CCDC195: variants seen among roughly 807,000 people sequenced by gnomAD.
CCDC195 encodes coiled-coil domain-containing protein 195.
intron 1 of CCDC195, among the ~76,000 whole-genome samples, chr2:224,713,517 A>C (rs1689346506): frequency 6.6e-6 from 1 of 152,094 alleles, no homozygotes; most frequent in South Asian, 2.1e-4. Flanking sequence ...ATTTAGCCCA[A>C]TCCACTTATT....
intron 1 of CCDC195, among the ~76,000 whole-genome samples, chr2:224,710,890 G>A (rs1355659031): frequency 1.3e-5 from 2 of 152,152 alleles, no homozygotes; most frequent in Non-Finnish European, 2.9e-5. Context: ...GAAGGTGTTC[G>A]GAGGCTATTT....
Position 224,709,940 on chromosome 2 carries a change from C to G in CCDC195, c.482+33G>C, listed in dbSNP as rs76580556. 2,258 of 398,546 alleles carry G rather than the reference C, an allele frequency of 5.7e-3. 57 individuals are homozygous for G. The highest frequency in any genetic ancestry group is 0.041 in the African/African-American group (2,007 of 48,736). The allele number at this position is 398,546 out of a possible 1,614,324, so 24.7% of individuals were successfully genotyped here. ...TCTCAGTAACCATCTCAGTATGGGC[C>G]TATTCACCAGCTTGAAGTGTATTTT... On this transcript the variant is annotated intron_variant, in intron 2 of 2. Coordinates refer to ENST00000638102, the Ensembl canonical transcript of CCDC195.
At chr2:224,713,390 G>C (rs1689344156) in intron 1 of CCDC195, among the ~76,000 whole-genome samples, 1 of 152,060 alleles carries the variant, frequency 6.6e-6, no homozygotes, top group Non-Finnish European at 1.5e-5. Flanking sequence ...AGCCCTGTGA[G>C]GTAGATTCCA....
chr2:224,704,937 T>A (rs1030194295), intron 2 of CCDC195, among the ~76,000 whole-genome samples: 3 of 152,092 alleles, frequency 2.0e-5, no homozygotes, highest in Admixed American at 6.5e-5. Flanking sequence ...AGCTGCACCC[T>A]CTTTTGGGAG....
chr2:224,705,739 T>G (rs921119302), intron 2 of CCDC195, among the ~76,000 whole-genome samples: 1 of 152,210 alleles, frequency 6.6e-6, no homozygotes, highest in Non-Finnish European at 1.5e-5. Context: ...ATAGTTCTAG[T>G]GGATTTCATG....
exon 2 of CCDC195, chr2:224,710,162 A>G: frequency 5.0e-6 from 2 of 398,648 alleles, no homozygotes; most frequent in Non-Finnish European, 8.8e-6. Context: ...GGGATCATTT[A>G]CAGCAGATGA....
At chr2:224,703,925 T>C in intron 2 of CCDC195, 38 bp from the exon 3 acceptor site, 1 of 398,362 alleles carries the variant, frequency 2.5e-6, no homozygotes, top group East Asian at 3.6e-5. Context: ...AAAGACTTTT[T>C]AGTGAGACTT....
At chr2:224,704,610 CTT>C (rs55801561) in intron 2 of CCDC195, among the ~76,000 whole-genome samples, 1,681 of 110,690 alleles carry the variant, frequency 0.015, 4 homozygotes, top group African/African-American at 0.045. Context: ...CTTTTCTTTT[CTT>C]TTTTTTTTTT....
chr2:224,709,868 G>A, intron 2 of CCDC195, 105 bp downstream of exon 2: 1 of 397,530 alleles, frequency 2.5e-6, no homozygotes. Context: ...TATGCTATTT[G>A]GTTTTGTTTC....
chr2:224,713,074 A>G (rs35413825), intron 1 of CCDC195, among the ~76,000 whole-genome samples: 106,825 of 151,774 alleles, frequency 0.7, 38,487 homozygotes, highest in African/African-American at 0.87. Context: ...TCACCATGTT[A>G]GCCAGGATGG....
intron 2 of CCDC195, among the ~76,000 whole-genome samples, chr2:224,704,819 G>A (rs1304626301): frequency 6.6e-6 from 1 of 151,818 alleles, no homozygotes; most frequent in Non-Finnish European, 1.5e-5. Context: ...ACGAGTTTTC[G>A]CCATGTTGGC....
Position 224,711,341 on chromosome 2 carries a change from A to G in CCDC195, c.236-1122T>C, listed in dbSNP as rs1240717726. 1.3e-4 allele frequency among the ~76,000 whole-genome samples: 20 copies of G among 148,528 alleles called. No homozygotes were observed. The Admixed American group carries it at 1.4e-3, about 10-fold the overall frequency. ...AGTCTCCCAATAAACTCTTTCCTTGAGGTAAATCAAATCTTCCCTGTTTTT... is the reference window on the plus strand; with the variant it reads ...AGTCTCCCAATAAACTCTTTCCTTGGGGTAAATCAAATCTTCCCTGTTTTT... On this transcript the variant is annotated intron_variant, in intron 1 of 2. Coordinates refer to ENST00000638102, the Ensembl canonical transcript of CCDC195.
intron 1 of CCDC195, among the ~76,000 whole-genome samples, chr2:224,713,077 C>T (rs938280141): frequency 2.0e-5 from 3 of 152,126 alleles, no homozygotes; most frequent in African/African-American, 7.2e-5. Flanking sequence ...CCATGTTAGC[C>T]AGGATGGTCT....
At chr2:224,716,160 T>A (rs375759329) in exon 1 of CCDC195, 3 of 398,618 alleles carry the variant, frequency 7.5e-6, no homozygotes, top group South Asian at 1.3e-4. Context: ...TGGTGCTGCA[T>A]CAGTGGAAAC....
At chr2:224,712,452 C>T (rs925793685) in intron 1 of CCDC195, among the ~76,000 whole-genome samples, 2 of 152,176 alleles carry the variant, frequency 1.3e-5, no homozygotes, top group Admixed American at 1.3e-4. Context: ...GAGCATTTAC[C>T]CAGCAAGGAT....
At chr2:224,705,340 T>C (rs1393263744) in intron 2 of CCDC195, among the ~76,000 whole-genome samples, 1 of 152,224 alleles carries the variant, frequency 6.6e-6, no homozygotes, top group Admixed American at 6.5e-5. Context: ...TCAACTGAAA[T>C]TTGTTTTTCT....
intron 1 of CCDC195, among the ~76,000 whole-genome samples, chr2:224,713,907 G>A (rs991936388): frequency 2.0e-5 from 3 of 150,164 alleles, no homozygotes; most frequent in Non-Finnish European, 4.4e-5. Flanking sequence ...TCCCATCTCA[G>A]CCTCTCAAGC....
At chr2:224,713,803 ATT>A (rs59559911) in intron 1 of CCDC195, among the ~76,000 whole-genome samples, 6 of 136,530 alleles carry the variant, frequency 4.4e-5, no homozygotes, top group Middle Eastern at 3.7e-3. Flanking sequence ...TTTCACCAGT[ATT>A]TTTTTTTTTT....
chr2:224,716,207 T>G (rs1009216536), exon 1 of CCDC195: 2 of 398,606 alleles, frequency 5.0e-6, no homozygotes, highest in African/African-American at 4.1e-5. Flanking sequence ...GTCCTGGCGC[T>G]TCCTCCTCCC....
Sources: gnomAD v4.1 joint callset for allele counts (sites outside exome capture counted in the v4.1 genomes callset) on GRCh38, gnomAD v4.1.1 for gene constraint, MANE v1.5 for transcripts, NCBI Gene and HGNC (gene_info 2026-07-23, HGNC 2026-07-21) for gene names.